Variants in DCT observed in about 807,000 individuals in gnomAD.
The protein encoded by DCT is L-dopachrome tautomerase.
Under a neutral mutation model 53.0 loss-of-function variants are expected in DCT, and 47 were observed. That is an observed-to-expected ratio of 0.89 (90% confidence interval 0.70 to 1.13). The LOEUF is 1.13. DCT is among the 50% of genes most tolerant of loss of function. DCT has a pLI of 0.00. For synonymous variants in DCT, 244 were observed against 237.0 expected, an observed-to-expected ratio of 1.03 and a Z score of -0.27; for missense variants, 669 against 637.4, an observed-to-expected ratio of 1.05 and a Z score of -0.53.
chr13:94,537,633 G>GA, the DCT span, among the ~76,000 whole-genome samples: 4,723 of 149,670 alleles, frequency 0.032, 210 homozygotes, highest in African/African-American at 0.1. Context: ...ATGCAAGTGA[G>GA]AAAAAAAAAC....
At chr13:94,495,618 A>G in the DCT span, among the ~76,000 whole-genome samples, 2 of 152,348 alleles carry the variant, frequency 1.3e-5, 1 homozygote. Context: ...AAGAGAAAAG[A>G]AGAATATAAC....
the DCT span, among the ~76,000 whole-genome samples, chr13:94,499,279 T>G: frequency 1.3e-5 from 2 of 152,090 alleles, no homozygotes; most frequent in African/African-American, 4.8e-5. Flanking sequence ...ACCGTGAAGG[T>G]CTGCGGCTTC....
At chr13:94,472,517 CATACATATATATATAT>C (rs1342123700) in intron 1 of DCT, among the ~76,000 whole-genome samples, 1,179 of 47,702 alleles carry the variant, frequency 0.025, 41 homozygotes, top group Non-Finnish European at 0.033. Context: ...TATATACATA[CATACATATATATATAT>C]ATATATATAT....
At chr13:94,474,673 T>C (rs1364139014) in intron 1 of DCT, among the ~76,000 whole-genome samples, 1 of 152,174 alleles carries the variant, frequency 6.6e-6, no homozygotes, top group Non-Finnish European at 1.5e-5. Flanking sequence ...ATAAGGTGAA[T>C]AGCAAATTCA....
Position 94,469,060 on chromosome 13 carries a change from A to T in DCT, c.296-15T>A. ...GGCAAAGTTTCCTAGTTCACAAAAC[A>T]GAAAGATGGAAAGGAAGGGGGTTTA... is the stretch of plus-strand genomic sequence containing the variant. On this transcript the variant is annotated splice_polypyrimidine_tract_variant and intron_variant, in intron 1 of 7. Transcript: ENST00000377028. 6.2e-7 allele frequency: 1 copy of T among 1,605,964 alleles called. No homozygotes were observed. The highest frequency in any genetic ancestry group is 2.2e-5 in the East Asian group (1 of 44,748).
upstream of DCT, among the ~76,000 whole-genome samples, chr13:94,482,943 A>G (rs562854866): frequency 3.9e-5 from 6 of 152,156 alleles, no homozygotes; most frequent in Non-Finnish European, 8.8e-5. Context: ...ACAACATTTC[A>G]GGAACAGTTC....
chr13:94,444,321 G>A (rs1183405307), intron 6 of DCT: 2 of 484,940 alleles, frequency 4.1e-6, no homozygotes, highest in Non-Finnish European at 4.1e-6. Flanking sequence ...TACTCAATCT[G>A]TATCAATATT....
intron 4 of DCT, among the ~76,000 whole-genome samples, chr13:94,462,921 C>T (rs61964065): frequency 5.9e-5 from 9 of 152,000 alleles, no homozygotes; most frequent in Non-Finnish European, 1.0e-4. Context: ...TGAAGGCAAA[C>T]GGGGAGGTCA....
chr13:94,548,895 T>TAGGCCCCACTGCC, the DCT span, among the ~76,000 whole-genome samples: 1 of 152,096 alleles, frequency 6.6e-6, no homozygotes. Context: ...CACCCGCTGC[T>TAGGCCCCACTGCC]AGGCCCCACT....
the DCT span, among the ~76,000 whole-genome samples, chr13:94,523,925 T>C: frequency 6.6e-6 from 1 of 152,182 alleles, no homozygotes; most frequent in South Asian, 2.1e-4. Flanking sequence ...AGTAATTTGC[T>C]AACAATAACC....
intron 1 of DCT, among the ~76,000 whole-genome samples, chr13:94,472,559 TATATA>T (rs1884793454): frequency 7.5e-5 from 2 of 26,662 alleles, no homozygotes; most frequent in African/African-American, 1.9e-4. Flanking sequence ...TATATATATA[TATATA>T]TATATTTTTT....
chr13:94,487,605 A>G, the DCT span, among the ~76,000 whole-genome samples: 3 of 152,228 alleles, frequency 2.0e-5, no homozygotes, highest in Non-Finnish European at 4.4e-5. Context: ...TAGATGTGTT[A>G]GAGCCATGGC....
chr13:94,483,626 C>T (rs7333050), upstream of DCT, among the ~76,000 whole-genome samples: 6,458 of 152,166 alleles, frequency 0.042, 438 homozygotes, highest in African/African-American at 0.14. Flanking sequence ...CTCTGCCTCT[C>T]GAGTACCTGG....
chr13:94,477,362 G>C (rs1346413332), intron 1 of DCT, among the ~76,000 whole-genome samples: 1 of 152,116 alleles, frequency 6.6e-6, no homozygotes, highest in Non-Finnish European at 1.5e-5. Flanking sequence ...CTTCCAAAGT[G>C]CTGGGATTAC....
At chr13:94,487,864 C>T in the DCT span, among the ~76,000 whole-genome samples, 4 of 152,038 alleles carry the variant, frequency 2.6e-5, no homozygotes, top group East Asian at 7.7e-4. Flanking sequence ...TTGCTTTCTA[C>T]ATCTAAGAGC....
the DCT span, among the ~76,000 whole-genome samples, chr13:94,485,928 C>T: frequency 3.3e-5 from 5 of 152,254 alleles, no homozygotes; most frequent in Admixed American, 6.5e-5. Flanking sequence ...CTACGCGTTG[C>T]TCGATTGCAT....
chr13:94,532,128 A>T, the DCT span, among the ~76,000 whole-genome samples: 1 of 152,242 alleles, frequency 6.6e-6, no homozygotes, highest in Non-Finnish European at 1.5e-5. Flanking sequence ...TTAAAAAGTC[A>T]GGAAACAACA....
At chr13:94,543,019 A>C in the DCT span, among the ~76,000 whole-genome samples, 9 of 152,194 alleles carry the variant, frequency 5.9e-5, no homozygotes, top group African/African-American at 2.2e-4. Context: ...AGAATAAGTA[A>C]CTTTCAGGAA....
the DCT span, among the ~76,000 whole-genome samples, chr13:94,534,257 A>C: frequency 1.3e-5 from 2 of 152,210 alleles, no homozygotes; most frequent in East Asian, 3.8e-4. Context: ...GAAAGTAATC[A>C]AGTAAGTTTC....
Sources: allele counts gnomAD v4.1 joint callset (sites outside exome capture counted in the v4.1 genomes callset), GRCh38; gene constraint gnomAD v4.1.1; transcripts MANE v1.5; gene names NCBI Gene and HGNC (gene_info 2026-07-23, HGNC 2026-07-21).